CAST: variants seen among roughly 807,000 people sequenced by gnomAD.
CAST encodes calpastatin.
A neutral mutation model predicts 119.6 loss-of-function variants in CAST; 76 were observed. The ratio of observed to expected loss-of-function variants is 0.64; its 90% CI spans 0.53 to 0.77. CAST has a LOEUF of 0.77. CAST is among the 30% of genes least tolerant of loss of function. The pLI, the probability that CAST is intolerant of heterozygous loss-of-function variation, is 0.00. For synonymous variants in CAST, 319 were observed against 331.6 expected (o/e 0.96, Z 0.41); for missense variants, 953 against 946.5 (o/e 1.01, Z -0.09).
the CAST span, among the ~76,000 whole-genome samples, chr5:96,026,422 A>C: frequency 1.3e-5 from 2 of 152,230 alleles, no homozygotes; most frequent in African/African-American, 4.8e-5. Flanking sequence ...AGAGTCCCCA[A>C]ATCAAAAATA....
the CAST span, among the ~76,000 whole-genome samples, chr5:96,324,522 C>A: frequency 8.5e-5 from 13 of 152,190 alleles, no homozygotes; most frequent in Non-Finnish European, 1.8e-4. Flanking sequence ...CCTACCTTCA[C>A]TCTTTAGTCT....
Position 96,567,338 on chromosome 5 carries a change from G to A in CAST, c.60+37458G>A, listed in dbSNP as rs377252527. Among the ~76,000 whole-genome samples, 163 of 152,156 alleles carry A rather than the reference G, an allele frequency of 1.1e-3. 1 individual carries two copies. The South Asian group carries it at 0.026, about 25-fold the overall frequency. ...GATTTATAACGCGCCCAACAGCTTC[G>A]CCTCAGCATATCTATCCATGCATAT... On this transcript the variant is annotated intron_variant, in intron 1 of 11. Transcript: ENST00000505143.
the CAST span, among the ~76,000 whole-genome samples, chr5:96,104,339 G>A: frequency 1.3e-5 from 2 of 152,146 alleles, no homozygotes; most frequent in Non-Finnish European, 1.5e-5. Context: ...TAATGCCTAG[G>A]TTTTCTTCTA....
At chr5:96,476,577 A>C in the CAST span, among the ~76,000 whole-genome samples, 3 of 152,196 alleles carry the variant, frequency 2.0e-5, no homozygotes, top group Admixed American at 2.0e-4. Context: ...ACCCAAACAC[A>C]TGAAACGTTC....
chr5:96,194,365 T>C, the CAST span, among the ~76,000 whole-genome samples: 9 of 152,318 alleles, frequency 5.9e-5, no homozygotes, highest in South Asian at 4.1e-4. Flanking sequence ...AATCTGCATG[T>C]TCTTAAAACA....
intron 1 of CAST, among the ~76,000 whole-genome samples, chr5:96,615,984 C>A (rs1318048658): frequency 6.6e-6 from 1 of 152,174 alleles, no homozygotes; most frequent in Non-Finnish European, 1.5e-5. Context: ...GGATCCAGCA[C>A]AGGAGAAAGA....
At chr5:96,291,197 A>G in the CAST span, among the ~76,000 whole-genome samples, 1,120 of 152,338 alleles carry the variant, frequency 7.4e-3, 12 homozygotes, top group African/African-American at 0.025. Context: ...ATGAAAGCTC[A>G]CACTCCTAAA....
At chr5:96,373,350 G>A in the CAST span, among the ~76,000 whole-genome samples, 50 of 152,320 alleles carry the variant, frequency 3.3e-4, no homozygotes, top group African/African-American at 9.9e-4. Context: ...GACATGAAAT[G>A]TCTTAGATTC....
At chr5:96,294,608 T>C in the CAST span, among the ~76,000 whole-genome samples, 3,757 of 152,370 alleles carry the variant, frequency 0.025, 168 homozygotes, top group African/African-American at 0.085. Context: ...TAAGCATTTA[T>C]GCAGATTCTA....
At chr5:96,177,731 GTTTA>G in the CAST span, among the ~76,000 whole-genome samples, 1 of 152,154 alleles carries the variant, frequency 6.6e-6, no homozygotes, top group African/African-American at 2.4e-5. Context: ...TGATTCATCT[GTTTA>G]TTTGTCATGT....
chr5:96,058,276 G>A, the CAST span, among the ~76,000 whole-genome samples: 1 of 152,164 alleles, frequency 6.6e-6, no homozygotes, highest in East Asian at 1.9e-4. Flanking sequence ...TTCATACAAT[G>A]ATTGGCTGAG....
the CAST span, among the ~76,000 whole-genome samples, chr5:96,478,133 G>T: frequency 6.6e-6 from 1 of 151,996 alleles, no homozygotes; most frequent in Non-Finnish European, 1.5e-5. Context: ...CAATTTTCAC[G>T]ATTTATTACA....
chr5:96,330,143 A>G, the CAST span, among the ~76,000 whole-genome samples: 54 of 152,342 alleles, frequency 3.5e-4, no homozygotes, highest in Non-Finnish European at 6.8e-4. Context: ...GAGATATTGC[A>G]TAGTTGAACC....
At chr5:96,367,310 C>T in the CAST span, among the ~76,000 whole-genome samples, 2 of 152,148 alleles carry the variant, frequency 1.3e-5, no homozygotes, top group African/African-American at 2.4e-5. Context: ...ATTCTCAGAT[C>T]TCAAACTCTG....
rs550836596 is a variant in CAST, at chr5:96,695,907, G to A, written c.210G>A (p.Lys70=). The change falls in exon 3 of 32, where the codon AAG becomes AAA. Residue 70 remains lysine (K), a splice_region_variant and synonymous_variant. Transcript: ENST00000675179. ...CTGGTGGAACAGCCTCGGCCACCAAGGTCAGTGATTTCCTGAACACGAAAA... is the reference window on the plus strand; with the variant it reads ...CTGGTGGAACAGCCTCGGCCACCAAAGTCAGTGATTTCCTGAACACGAAAA... The part of the protein sequence containing the change: ...TYAGGTASAT[K]VSASSGATSK... 1.5e-5 allele frequency: 24 copies of A among 1,609,844 alleles called. No individual in the cohort carries two copies. In the East Asian group the frequency reaches 5.4e-4, roughly 36 times the overall value.
the CAST span, among the ~76,000 whole-genome samples, chr5:95,978,617 T>C: frequency 6.6e-6 from 1 of 152,218 alleles, no homozygotes; most frequent in East Asian, 1.9e-4. Context: ...CTATTGATAG[T>C]GTCTTTTCCT....
chr5:96,420,501 G>C, the CAST span, among the ~76,000 whole-genome samples: 3,748 of 152,156 alleles, frequency 0.025, 152 homozygotes, highest in African/African-American at 0.086. Flanking sequence ...AACCCCTTTA[G>C]TCACCCTCAA....
the CAST span, among the ~76,000 whole-genome samples, chr5:96,501,384 CA>C: frequency 6.6e-6 from 1 of 152,136 alleles, no homozygotes; most frequent in Admixed American, 6.5e-5. Context: ...ATAATCATCT[CA>C]TACTAGTTAA....
At chr5:96,162,871 T>A in the CAST span, among the ~76,000 whole-genome samples, 1 of 152,242 alleles carries the variant, frequency 6.6e-6, no homozygotes, top group East Asian at 1.9e-4. Context: ...TTTTCATGTC[T>A]TATGACATTT....
Sources: allele counts gnomAD v4.1 joint callset (sites outside exome capture counted in the v4.1 genomes callset), GRCh38; gene constraint gnomAD v4.1.1; transcripts MANE v1.5; gene names NCBI Gene and HGNC (gene_info 2026-07-23, HGNC 2026-07-21).